Variants in EPHA8 observed in about 807,000 individuals in gnomAD.
The protein encoded by EPHA8 is EPH receptor A8.
Under a neutral mutation model 103.6 loss-of-function variants are expected in EPHA8, and 58 were observed. The observed-to-expected ratio is 0.56, with a 90% CI of 0.45 to 0.70. The LOEUF is 0.70. EPHA8 is among the 30% of genes least tolerant of loss of function. The pLI is 0.00. For missense variants in EPHA8, 1,304 were observed against 1,395.2 expected, an observed-to-expected ratio of 0.93 and a Z score of 1.04; for synonymous variants, 559 against 572.5, an observed-to-expected ratio of 0.98 and a Z score of 0.34.
chr1:22,570,304 G>T (rs556240128), intron 2 of EPHA8, among the ~76,000 whole-genome samples: 1 of 145,852 alleles, frequency 6.9e-6, no homozygotes, highest in Non-Finnish European at 1.5e-5. Context: ...ACATGCACAC[G>T]TGTGCGTGTA....
At chr1:22,581,526 C>T (rs989429679) in intron 3 of EPHA8, among the ~76,000 whole-genome samples, 5 of 152,168 alleles carry the variant, frequency 3.3e-5, no homozygotes, top group Non-Finnish European at 7.4e-5. Flanking sequence ...AAGAGGGAAG[C>T]GGAGCCCAGA....
At chr1:22,572,292 G>C (rs1359176990) in intron 2 of EPHA8, among the ~76,000 whole-genome samples, 3 of 152,240 alleles carry the variant, frequency 2.0e-5, no homozygotes, top group Non-Finnish European at 4.4e-5. Context: ...GATTCGGGCA[G>C]ATTACTTACT....
chr1:22,597,939 C>T lies in EPHA8; in HGVS notation c.2116+78C>T. ...AGGCCTCTGGGTCCATCCCCTCATC[C>T]ATCCTGCTCTGCCCCACCTGACCCT... On this transcript the variant is annotated intron_variant, in intron 11 of 16. Transcript: ENST00000166244. This position sits in a 1 kb window ranked among gnomAD's most constrained non-coding sequence, Gnocchi z 4.6. The T allele has an allele frequency of 6.5e-7, 1 of 1,535,082 alleles. No individual in the cohort carries two copies. The highest frequency in any genetic ancestry group is 8.9e-7 in the Non-Finnish European group (1 of 1,128,268).
At chr1:22,573,837 G>A (rs991780911) in intron 2 of EPHA8, among the ~76,000 whole-genome samples, 2 of 152,204 alleles carry the variant, frequency 1.3e-5, no homozygotes, top group African/African-American at 2.4e-5. Context: ...GCAGTGCCAG[G>A]TTGACAGGTA....
Position 22,588,911 on chromosome 1 carries a change from T to TG in EPHA8, c.1023dup (p.Thr342AspfsTer18), listed in dbSNP as rs1160193143. 6.2e-7 allele frequency: 1 copy of TG among 1,605,920 alleles called. No individual in the cohort carries two copies. Among genetic ancestry groups the TG allele is most frequent in the Admixed American group, 1.7e-5 (1 of 59,916 alleles). On this transcript the variant is annotated frameshift_variant, in exon 5 of 17. Transcript: ENST00000166244. LOFTEE classifies it high-confidence loss of function. ...CAGTGAACCTGATCTCCAGTGTGAA[T>TG]GGGACATCAGTGACTCTGGAGTGGG...
At chr1:22,593,102 C>T (rs1267683856) in intron 5 of EPHA8, among the ~76,000 whole-genome samples, 1 of 152,212 alleles carries the variant, frequency 6.6e-6, no homozygotes, top group Non-Finnish European at 1.5e-5. Context: ...CCCCAACATC[C>T]CAGACCATGC....
rs1640475951 is a variant in EPHA8 at position 22,569,864 on chromosome 1, G to T, written c.159+511G>T. ...GCCCCCATCCTCCTGGGGAAGGGCT[G>T]CAGTGAGCAGGCTGCACTGCCCCGT... On this transcript the variant is annotated intron_variant, in intron 2 of 16. Coordinates refer to ENST00000166244, the MANE Select transcript of EPHA8 (RefSeq NM_020526.5). The surrounding 1 kb of genome is among the most constrained non-coding windows in gnomAD (Gnocchi z 4.5). Among the ~76,000 whole-genome samples, 1 of 152,186 alleles carries T rather than the reference G, an allele frequency of 6.6e-6. No homozygotes were observed. Among genetic ancestry groups the T allele is most frequent in the African/African-American group, 2.4e-5 (1 of 41,452 alleles).
chr1:22,601,412 C>A lies in EPHA8; in HGVS notation c.2842C>A (p.Arg948=), dbSNP rs749771471. 1 of 1,611,440 alleles carries A rather than the reference C, an allele frequency of 6.2e-7. No individual in the cohort carries two copies. The highest frequency in any genetic ancestry group is 1.1e-5 in the South Asian group (1 of 91,080). The change falls in exon 16 of 17, where the codon CGA becomes AGA. Residue 948 remains arginine, a synonymous_variant. Coordinates refer to ENST00000166244, the MANE Select transcript of EPHA8 (RefSeq NM_020526.5). The part of the protein sequence containing the change: ...WLDSIRMGRY[R]DHFAAGGYSS... ...GGACTCCATCCGCATGGGCCGGTAC[C>A]GAGACCACTTCGCTGCGGGCGGATA...
At chr1:22,599,287 C>T (rs1641611696) in intron 13 of EPHA8, among the ~76,000 whole-genome samples, 1 of 152,178 alleles carries the variant, frequency 6.6e-6, no homozygotes, top group South Asian at 2.1e-4. Context: ...GGCTGGTCCC[C>T]ACAGTCACTC....
chr1:22,597,565 C>T lies in EPHA8; in HGVS notation c.1930+89C>T, dbSNP rs1203201205. 7.7e-6 allele frequency: 12 copies of T among 1,562,164 alleles called. No individual in the cohort carries two copies. The highest frequency in any genetic ancestry group is 1.2e-5 in the South Asian group (1 of 82,442). ...GTGGGGGCACCCAGGGCAGAGGGAG[C>T]GTGTGACCCAGGGGTCTGGCAAGCC... On this transcript the variant is annotated intron_variant, in intron 10 of 16. Transcript: ENST00000166244. This position sits in a 1 kb window ranked among gnomAD's most constrained non-coding sequence, Gnocchi z 4.6.
At position 22,587,385 on chromosome 1, in the gene EPHA8, C is replaced by T. The variant is rs1206455951; in HGVS notation, c.979+750C>T. On this transcript the variant is annotated intron_variant, in intron 4 of 16. Transcript: ENST00000166244. ...CTTGAATGAGGGTGTCTTGTGAGCT[C>T]AGCACGTGTGTGTGTGCGTGTGCAC... is the stretch of plus-strand genomic sequence containing the variant. 5.9e-5 allele frequency among the ~76,000 whole-genome samples: 9 copies of T among 152,266 alleles called. No individual in the cohort carries two copies. In the East Asian group the frequency reaches 1.4e-3, roughly 23 times the overall value.
chr1:22,600,286 GGAAA>G (rs901039612), intron 13 of EPHA8, among the ~76,000 whole-genome samples: 3 of 146,666 alleles, frequency 2.0e-5, no homozygotes, highest in Admixed American at 2.0e-4. Context: ...GAAGGGATGA[GGAAA>G]GGAAGGAAGG....
In EPHA8 at chr1:22,576,779, A is replaced by C. The variant is rs1423915318; in HGVS notation, c.722A>C (p.Asp241Ala). Reference protein sequence around the residue: ...GQCVRHSEERDTPKMYCSAEG... With the variant: ...GQCVRHSEERATPKMYCSAEG... ...TGCGTGCGGCACTCAGAGGAGCGGG[A>C]CACACCCAAGATGTACTGCAGCGCG... Residue 241 changes from aspartate (D) to alanine (A), a missense_variant, in exon 3 of 17, where the codon GAC (aspartate) becomes GCC (alanine). Physicochemically the swap from Asp to Ala is moderately radical, Grantham distance 126. Coordinates refer to ENST00000166244, the MANE Select transcript of EPHA8 (RefSeq NM_020526.5). This position sits in a 1 kb window ranked among gnomAD's most constrained non-coding sequence, Gnocchi z 4.8. 2 of 1,613,636 alleles carry C rather than the reference A, an allele frequency of 1.2e-6. No individual in the cohort carries two copies. The highest frequency in any genetic ancestry group is 1.3e-5 in the African/African-American group (1 of 74,932).
chr1:22,578,122 GTA>G (rs987140519), intron 3 of EPHA8, among the ~76,000 whole-genome samples: 4 of 75,104 alleles, frequency 5.3e-5, no homozygotes, highest in African/African-American at 1.2e-4. Flanking sequence ...GTGCGTGAGT[GTA>G]TGCATGTGTG....
rs766263755 is a variant in EPHA8, at chr1:22,576,808, G to A, written c.751G>A (p.Gly251Ser). 23 of 1,612,442 alleles carry A rather than the reference G, an allele frequency of 1.4e-5. No individual in the cohort carries two copies. In the African/African-American group the frequency reaches 2.8e-4, roughly 20 times the overall value. Residue 251 changes from glycine to serine, a missense_variant, in exon 3 of 17, where the codon GGC becomes AGC. By Grantham distance (56) the Gly-to-Ser change is moderately conservative. Transcript: ENST00000166244. This position sits in a 1 kb window ranked among gnomAD's most constrained non-coding sequence, Gnocchi z 4.8. ...ACCCAAGATGTACTGCAGCGCGGAG[G>A]GCGAGTGGCTCGTGCCCATCGGCAA... ...DTPKMYCSAEGEWLVPIGKCV... is the reference protein window; with the variant it reads ...DTPKMYCSAESEWLVPIGKCV...
At chr1:22,579,066 C>T (rs1557562273) in intron 3 of EPHA8, among the ~76,000 whole-genome samples, 1 of 130,208 alleles carries the variant, frequency 7.7e-6, no homozygotes. Context: ...TGTATGTATG[C>T]ATGTGTGTGC....
rs1479830879 is a variant in EPHA8, at chr1:22,602,875, C to G, written c.*1134C>G. ...TCCGGCCTCCTGCCAAGGCTCTTGT[C>G]CCCATACACCATCCCACAAGGGCGC... On this transcript the variant is annotated 3_prime_UTR_variant, in exon 17 of 17. Transcript: ENST00000166244. The G allele has an allele frequency of 6.6e-6, 1 of 152,476 alleles. No individual in the cohort carries two copies. The highest frequency in any genetic ancestry group is 1.9e-4 in the East Asian group (1 of 5,182). The allele number at this position is 152,476 out of a possible 1,614,324, so 9.4% of individuals were successfully genotyped here.
intron 3 of EPHA8, among the ~76,000 whole-genome samples, chr1:22,578,070 T>TGTGC (rs1491126789): frequency 1.9e-4 from 14 of 75,224 alleles, no homozygotes; most frequent in Admixed American, 3.2e-4. Context: ...TGTGCATGAG[T>TGTGC]ATGTATGCAT....
chr1:22,574,649 G>C (rs762889533), intron 2 of EPHA8, among the ~76,000 whole-genome samples: 2 of 152,228 alleles, frequency 1.3e-5, no homozygotes, highest in East Asian at 3.9e-4. Context: ...CTAATACTCC[G>C]TTGTAGGTAT....
Sources: gnomAD v4.1 joint callset for allele counts (sites outside exome capture counted in the v4.1 genomes callset) on GRCh38, gnomAD v4.1.1 for gene constraint, Gnocchi (gnomAD v3.1) non-coding constraint, MANE v1.5 for transcripts, NCBI Gene and HGNC (gene_info 2026-07-23, HGNC 2026-07-21) for gene names.